Variants in THSD4 observed in about 807,000 individuals in gnomAD.
The protein encoded by THSD4 is thrombospondin type-1 domain-containing protein 4.
A neutral mutation model predicts 119.0 loss-of-function variants in THSD4; 69 were observed. The observed-to-expected ratio is 0.58, with a 90% CI of 0.48 to 0.71. THSD4 has a LOEUF of 0.71. Ranked by LOEUF, THSD4 falls within the 30% of genes least tolerant of loss-of-function variation. The pLI is 0.00. For synonymous variants in THSD4, 524 were observed against 540.4 expected, an observed-to-expected ratio of 0.97 and a Z score of 0.42; for missense variants, 1,393 against 1,391.1, an observed-to-expected ratio of 1.00 and a Z score of -0.02.
At chr15:71,431,926 A>G (rs1044407572) in intron 7 of THSD4, among the ~76,000 whole-genome samples, 2 of 152,182 alleles carry the variant, frequency 1.3e-5, no homozygotes, top group Non-Finnish European at 2.9e-5. Context: ...TTAAGAAGAA[A>G]TCAGGAGGCA....
At chr15:71,129,171 G>A (rs981347140) in intron 1 of THSD4, among the ~76,000 whole-genome samples, 7 of 152,158 alleles carry the variant, frequency 4.6e-5, no homozygotes, top group African/African-American at 9.7e-5. Flanking sequence ...AGCTGGTGAC[G>A]GCTCCTTTTA....
At chr15:71,459,152 CTTTTTTTCTTTTTT>C (rs2047381145) in intron 7 of THSD4, among the ~76,000 whole-genome samples, 2 of 140,894 alleles carry the variant, frequency 1.4e-5, no homozygotes, top group South Asian at 5.1e-4. Context: ...TTTTCATTTT[CTTTTTTTCTTTTTT>C]TTTTTTTTTT....
intron 7 of THSD4, among the ~76,000 whole-genome samples, chr15:71,466,755 A>T (rs1359182869): frequency 6.6e-6 from 1 of 152,186 alleles, no homozygotes; most frequent in Non-Finnish European, 1.5e-5. Flanking sequence ...AGGCAATGCT[A>T]ATCTCAAAGT....
chr15:71,606,776 G>T (rs1450082971), intron 7 of THSD4, among the ~76,000 whole-genome samples: 1 of 152,174 alleles, frequency 6.6e-6, no homozygotes, highest in African/African-American at 2.4e-5. Context: ...CCGACCTCAG[G>T]TGATCCACCT....
At chr15:71,208,600 C>A (rs1463722772) in intron 3 of THSD4, among the ~76,000 whole-genome samples, 1 of 151,856 alleles carries the variant, frequency 6.6e-6, no homozygotes, top group African/African-American at 2.4e-5. Context: ...CAGTCTCTGC[C>A]CCCTGGGCTC....
intron 5 of THSD4, among the ~76,000 whole-genome samples, chr15:71,246,270 A>G (rs1567168241): frequency 6.6e-6 from 1 of 152,142 alleles, no homozygotes; most frequent in Non-Finnish European, 1.5e-5. Context: ...TTGTTGGGAA[A>G]TAAACGTGAC....
intron 6 of THSD4, among the ~76,000 whole-genome samples, chr15:71,333,791 A>T (rs2140377614): frequency 6.6e-6 from 1 of 152,354 alleles, no homozygotes; most frequent in South Asian, 2.1e-4. Flanking sequence ...AGTACCAAGC[A>T]GACAACAAAC....
At chr15:71,459,109 C>T (rs969733938) in intron 7 of THSD4, among the ~76,000 whole-genome samples, 4 of 151,858 alleles carry the variant, frequency 2.6e-5, no homozygotes, top group Non-Finnish European at 5.9e-5. Flanking sequence ...CCTAACTTCA[C>T]CCTTTGAATC....
intron 8 of THSD4, among the ~76,000 whole-genome samples, chr15:71,704,079 A>G (rs1306426426): frequency 6.6e-6 from 1 of 151,888 alleles, no homozygotes; most frequent in Non-Finnish European, 1.5e-5. Flanking sequence ...CAATCTCCTG[A>G]CCTCGTGATC....
At chr15:71,231,488 C>T (rs1321293101) in intron 4 of THSD4, among the ~76,000 whole-genome samples, 1 of 152,186 alleles carries the variant, frequency 6.6e-6, no homozygotes, top group African/African-American at 2.4e-5. Flanking sequence ...TGGCTTGCCT[C>T]TTGACTTCTG....
intron 7 of THSD4, among the ~76,000 whole-genome samples, chr15:71,425,540 CCT>C (rs1260103002): frequency 2.0e-5 from 3 of 152,176 alleles, no homozygotes; most frequent in East Asian, 1.9e-4. Context: ...TCGTCTGCCC[CCT>C]GTCAGGCCTC....
chr15:71,275,900 C>G (rs918396970), intron 6 of THSD4, among the ~76,000 whole-genome samples: 17 of 152,280 alleles, frequency 1.1e-4, no homozygotes, highest in Middle Eastern at 3.4e-3. Flanking sequence ...TGAGGCCTCC[C>G]CAGCCATGCT....
At chr15:71,513,711 A>G (rs1032253140) in intron 7 of THSD4, among the ~76,000 whole-genome samples, 3 of 152,224 alleles carry the variant, frequency 2.0e-5, no homozygotes, top group African/African-American at 7.2e-5. Context: ...CAAAATACAG[A>G]CACAGAGGAC....
At chr15:71,304,442 A>G (rs2044995013) in intron 6 of THSD4, among the ~76,000 whole-genome samples, 1 of 151,996 alleles carries the variant, frequency 6.6e-6, no homozygotes, top group Non-Finnish European at 1.5e-5. Context: ...AGAGAATAGC[A>G]TCTCTATTCC....
chr15:71,445,813 C>A (rs1283539614), intron 7 of THSD4, among the ~76,000 whole-genome samples: 2 of 152,150 alleles, frequency 1.3e-5, no homozygotes, highest in Non-Finnish European at 2.9e-5. Flanking sequence ...TTGTAGAATT[C>A]AAATGTTATC....
Position 71,368,637 on chromosome 15 carries a change from G to T in THSD4, c.1016-43050G>T, listed in dbSNP as rs560425926. Among the ~76,000 whole-genome samples the T allele has an allele frequency of 4.5e-4, 69 of 152,224 alleles. 2 individuals are homozygous for T. In the South Asian group the frequency reaches 0.014, roughly 31 times the overall value. ...TCTGAGGGCTGTGTTCTGTTCCATT[G>T]GTCTATATCTCTGTTTTGGTACCAG... is the stretch of plus-strand genomic sequence containing the variant. On this transcript the variant is annotated intron_variant, in intron 6 of 17. Transcript: ENST00000261862.
At chr15:71,436,262 A>G (rs1397861024) in intron 7 of THSD4, among the ~76,000 whole-genome samples, 1 of 152,156 alleles carries the variant, frequency 6.6e-6, no homozygotes, top group African/African-American at 2.4e-5. Flanking sequence ...TGATACCCTT[A>G]TTTATGACAA....
chr15:71,242,855 T>TA lies in THSD4; in HGVS notation c.671_672insA (p.Tyr225ValfsTer4), dbSNP rs2044165035. On this transcript the variant is annotated frameshift_variant, in exon 5 of 18. Transcript: ENST00000261862. LOFTEE classifies it high-confidence loss of function. ...CACCAGGTCCCCCAACATGGGCCTT[T>TA]GTACCAAAGTGACAGTGGCCCTCGC... is the stretch of plus-strand genomic sequence containing the variant. 6.2e-7 allele frequency: 1 copy of TA among 1,614,100 alleles called. No individual in the cohort carries two copies. Among genetic ancestry groups the TA allele is most frequent in the Non-Finnish European group, 8.5e-7 (1 of 1,180,052 alleles).
In THSD4 at chr15:71,781,129, T is replaced by A. The variant is rs1394184291; in HGVS notation, c.*3755T>A. ...TGCCATATAAAACATTTTAATATGGTTTACATGGGAAAATATCGATGGCTT... is the reference window on the plus strand; with the variant it reads ...TGCCATATAAAACATTTTAATATGGATTACATGGGAAAATATCGATGGCTT... On this transcript the variant is annotated 3_prime_UTR_variant, in exon 18 of 18. Transcript: ENST00000261862. The A allele has an allele frequency of 1.1e-5, 2 of 187,286 alleles. No homozygotes were observed. Among genetic ancestry groups the A allele is most frequent in the African/African-American group, 4.6e-5 (2 of 43,144 alleles). 11.6% of individuals were successfully genotyped at this position (187,286 alleles called of 1,614,324 possible).
Sources: gnomAD v4.1 joint callset for allele counts (sites outside exome capture counted in the v4.1 genomes callset) on GRCh38, gnomAD v4.1.1 for gene constraint, MANE v1.5 for transcripts, NCBI Gene and HGNC (gene_info 2026-07-23, HGNC 2026-07-21) for gene names.